The following CALN1 variants were observed in gnomAD, a reference collection of about 807,000 sequenced individuals.
CALN1 encodes calcium-binding protein 8.
A neutral mutation model predicts 30.6 loss-of-function variants in CALN1; 17 were observed. The ratio of observed to expected loss-of-function variants is 0.56; its 90% CI spans 0.38 to 0.83. CALN1 has a LOEUF of 0.83. CALN1 is among the 40% of genes least tolerant of loss of function. The pLI is 0.00. For synonymous variants in CALN1, 156 were observed against 131.4 expected, an observed-to-expected ratio of 1.19 and a Z score of -1.28; for missense variants, 291 against 354.9, an observed-to-expected ratio of 0.82 and a Z score of 1.45.
At chr7:72,328,256 A>G (rs1349481795) in intron 2 of CALN1, among the ~76,000 whole-genome samples, 2 of 152,132 alleles carry the variant, frequency 1.3e-5, no homozygotes, top group Non-Finnish European at 2.9e-5. Context: ...AATAATACTC[A>G]CGTATCAAGG....
chr7:72,302,425 T>C (rs1012111383), intron 2 of CALN1, among the ~76,000 whole-genome samples: 1 of 152,134 alleles, frequency 6.6e-6, no homozygotes, highest in Non-Finnish European at 1.5e-5. Context: ...GTGGAGCAAG[T>C]GGTCTGGACA....
the CALN1 span, among the ~76,000 whole-genome samples, chr7:72,499,822 C>CTTTCT: frequency 4.1e-5 from 2 of 48,592 alleles, no homozygotes; most frequent in Non-Finnish European, 3.7e-5. Context: ...TCCTTCCTTC[C>CTTTCT]TTCCTTCTTT....
Position 72,412,019 on chromosome 7 carries a change from GC to G in CALN1, c.-74+38del, listed in dbSNP as rs1363058026. On this transcript the variant is annotated intron_variant, in intron 1 of 6. Coordinates refer to ENST00000395275, the MANE Select transcript of CALN1 (RefSeq NM_031468.4). Reference sequence around the variant, plus strand: ...AACCTGGCCCAGCTGGGAACTGCATGCAGCTGAGCCCACCATGCTCTTTAGT... The same window carrying G: ...AACCTGGCCCAGCTGGGAACTGCATGAGCTGAGCCCACCATGCTCTTTAGT... The G allele has an allele frequency of 2.0e-5, 3 of 152,184 alleles. No individual in the cohort carries two copies. In the East Asian group the frequency reaches 5.8e-4, roughly 29 times the overall value. 9.4% of individuals were successfully genotyped at this position (152,184 alleles called of 1,614,324 possible). A position where few individuals can be genotyped will look rare whatever the true frequency, so the allele number is the denominator to read the frequency against.
intron 2 of CALN1, among the ~76,000 whole-genome samples, chr7:72,352,462 C>A (rs1386995438): frequency 1.4e-5 from 2 of 148,026 alleles, no homozygotes; most frequent in African/African-American, 5.0e-5. Flanking sequence ...ATAACCATAA[C>A]GGAATTAAAT....
intron 4 of CALN1, among the ~76,000 whole-genome samples, chr7:72,036,083 C>A (rs1319864991): frequency 6.6e-6 from 1 of 152,224 alleles, no homozygotes; most frequent in Non-Finnish European, 1.5e-5. Context: ...CTTAATTTCT[C>A]CCTCACCTTT....
chr7:72,222,124 G>T (rs1217914357), intron 3 of CALN1, among the ~76,000 whole-genome samples: 1 of 152,242 alleles, frequency 6.6e-6, no homozygotes, highest in Admixed American at 6.5e-5. Context: ...TACTTGGGAG[G>T]CTGAGGCAGG....
chr7:71,902,844 G>A (rs944121235), intron 5 of CALN1, among the ~76,000 whole-genome samples: 2 of 151,968 alleles, frequency 1.3e-5, no homozygotes, highest in Non-Finnish European at 2.9e-5. Flanking sequence ...CATATGGGTG[G>A]AACTGGAGGC....
Position 72,126,089 on chromosome 7 carries a change from G to A in CALN1, c.245-19795C>T, listed in dbSNP as rs776358119. Among the ~76,000 whole-genome samples the A allele has an allele frequency of 1.2e-3, 184 of 152,156 alleles. 1 individual carries two copies. The highest frequency in any genetic ancestry group is 3.4e-3 in the Middle Eastern group (1 of 294). The stretch of plus-strand genomic sequence containing the variant: ...GCTGGGATTACAGGCGTGAGCCACC[G>A]CGCCCAGCTCACTGTATCATTCTTA... On this transcript the variant is annotated intron_variant, in intron 3 of 6. Transcript: ENST00000395275.
the CALN1 span, among the ~76,000 whole-genome samples, chr7:72,483,450 A>G: frequency 6.6e-6 from 1 of 151,452 alleles, no homozygotes; most frequent in Non-Finnish European, 1.5e-5. Context: ...ATGCCCAGCT[A>G]ATTTTTGTAT....
At chr7:72,331,707 T>A (rs758886038) in intron 2 of CALN1, among the ~76,000 whole-genome samples, 2 of 152,220 alleles carry the variant, frequency 1.3e-5, no homozygotes, top group Non-Finnish European at 2.9e-5. Context: ...CCAAGTTTTA[T>A]CTTAAGTTCA....
At chr7:72,173,267 T>A (rs1294428590) in intron 3 of CALN1, among the ~76,000 whole-genome samples, 1 of 151,940 alleles carries the variant, frequency 6.6e-6, no homozygotes, top group Non-Finnish European at 1.5e-5. Context: ...TTATACAAAA[T>A]CTCGAAGTTG....
At chr7:72,034,999 A>G (rs547091961) in intron 4 of CALN1, among the ~76,000 whole-genome samples, 1 of 152,064 alleles carries the variant, frequency 6.6e-6, no homozygotes, top group Non-Finnish European at 1.5e-5. Flanking sequence ...CCAGACATGT[A>G]CCCACTCCCG....
At chr7:72,501,938 T>TAA in the CALN1 span, among the ~76,000 whole-genome samples, 1 of 84,752 alleles carries the variant, frequency 1.2e-5, no homozygotes, top group Non-Finnish European at 2.2e-5. Flanking sequence ...AATATATATA[T>TAA]ATATATATAT....
chr7:72,380,667 GTGGA>G (rs142371252), intron 2 of CALN1, among the ~76,000 whole-genome samples: 10 of 151,906 alleles, frequency 6.6e-5, no homozygotes, highest in East Asian at 3.9e-4. Context: ...CAGTGGGTTG[GTGGA>G]TGGATGGATG....
intron 5 of CALN1, among the ~76,000 whole-genome samples, chr7:72,013,663 C>A (rs866064534): frequency 6.6e-6 from 1 of 151,970 alleles, no homozygotes; most frequent in Non-Finnish European, 1.5e-5. Flanking sequence ...AAAATAAGTA[C>A]AATCAGAATT....
At chr7:72,296,591 G>A (rs1798879950) in intron 2 of CALN1, among the ~76,000 whole-genome samples, 1 of 143,970 alleles carries the variant, frequency 6.9e-6, no homozygotes. Flanking sequence ...TTAGTCTTGG[G>A]AGAGTGTATG....
chr7:72,312,415 A>G (rs1251411561), intron 2 of CALN1, among the ~76,000 whole-genome samples: 3 of 150,560 alleles, frequency 2.0e-5, no homozygotes, highest in African/African-American at 7.3e-5. Context: ...AAAAAAAAAA[A>G]GTAAGTCACT....
intron 5 of CALN1, among the ~76,000 whole-genome samples, chr7:71,995,962 G>A (rs894699891): frequency 3.3e-5 from 5 of 152,150 alleles, no homozygotes; most frequent in East Asian, 1.9e-4. Flanking sequence ...ATCTCCTCCC[G>A]CAAAGAGATA....
At chr7:72,496,348 A>G in the CALN1 span, among the ~76,000 whole-genome samples, 3 of 151,982 alleles carry the variant, frequency 2.0e-5, no homozygotes, top group Non-Finnish European at 2.9e-5. Flanking sequence ...TTTTTCTTCT[A>G]GCTCTGATAA....
Sources: gnomAD v4.1 joint callset for allele counts (sites outside exome capture counted in the v4.1 genomes callset) on GRCh38, gnomAD v4.1.1 for gene constraint, MANE v1.5 for transcripts, NCBI Gene and HGNC (gene_info 2026-07-23, HGNC 2026-07-21) for gene names.